RELN: variants seen among roughly 807,000 people sequenced by gnomAD.
RELN encodes reelin.
In RELN, 108 loss-of-function variants were observed where a neutral mutation model predicts 427.6. That is an observed-to-expected ratio of 0.25 (90% CI 0.22 to 0.30). RELN has a LOEUF of 0.30. Ranked by LOEUF, RELN falls within the 10% of genes least tolerant of loss-of-function variation. The probability of loss-of-function intolerance (pLI) is 1.00; values close to 1 mark genes in which losing one functional copy is unlikely to be tolerated. For missense variants in RELN, 3,715 were observed against 4,302.8 expected (o/e 0.86, Z 3.82); for synonymous variants, 1,524 against 1,513.4 (o/e 1.01, Z -0.16).
intron 11 of RELN, among the ~76,000 whole-genome samples, chr7:103,664,835 CT>C (rs1254613791): frequency 6.6e-6 from 1 of 151,996 alleles, no homozygotes; most frequent in Admixed American, 6.6e-5. Flanking sequence ...CTCTCACTTT[CT>C]TATGATTTGA....
chr7:103,472,685 G>T lies in RELN; in HGVS notation c.*127C>A. On this transcript the variant is annotated 3_prime_UTR_variant, in exon 65 of 65. Transcript: ENST00000428762. ...GAAAGTGGTGTACACTCGGTCTTGAGAAGGGCTTTCAGGTAATCACCAAGT... is the reference window on the plus strand; with the variant it reads ...GAAAGTGGTGTACACTCGGTCTTGATAAGGGCTTTCAGGTAATCACCAAGT... 1 of 767,144 alleles carries T rather than the reference G, an allele frequency of 1.3e-6. No individual in the cohort carries two copies. The highest frequency in any genetic ancestry group is 2.3e-6 in the Non-Finnish European group (1 of 439,642). 47.5% of individuals were successfully genotyped at this position (767,144 alleles called of 1,614,324 possible).
chr7:103,630,848 TTTGTTTTTTTTG>T (rs1383032599), intron 19 of RELN, among the ~76,000 whole-genome samples: 6 of 71,614 alleles, frequency 8.4e-5, no homozygotes, highest in Non-Finnish European at 1.6e-4. Flanking sequence ...GAGTTATTTT[TTTGTTTTTTTTG>T]TTTTTTTTTT....
chr7:103,964,134 G>C (rs1390063635), intron 1 of RELN, among the ~76,000 whole-genome samples: 1 of 152,100 alleles, frequency 6.6e-6, no homozygotes, highest in Non-Finnish European at 1.5e-5. Context: ...ACTCCAGCCT[G>C]GGTGATAGAG....
At chr7:103,960,074 A>C (rs2116787315) in intron 1 of RELN, among the ~76,000 whole-genome samples, 1 of 152,262 alleles carries the variant, frequency 6.6e-6, no homozygotes, top group South Asian at 2.1e-4. Flanking sequence ...GTTCATTCTC[A>C]ATTCAGCAGC....
In RELN at chr7:103,654,113, G is replaced by A. The variant is rs2117394832; in HGVS notation, c.1534C>T (p.Leu512Phe). 6.3e-7 allele frequency: 1 copy of A among 1,584,958 alleles called. No individual in the cohort carries two copies. The highest frequency in any genetic ancestry group is 1.1e-5 in the South Asian group (1 of 90,472). Residue 512 changes from leucine to phenylalanine, a missense_variant, in exon 13 of 65, where the codon CTT (leucine) becomes TTT (phenylalanine). Around this residue, in one of 4 missense-constraint regions of RELN, gnomAD observed 2,208 missense variants for 2,361.7 expected, o/e 0.93. Transcript: ENST00000428762. Reference sequence around the variant, plus strand: ...TGTACCTTATATGAGGAATAGGAAAGGGTATCCAGTGTTATATGCTCTTTT... The same window carrying A: ...TGTACCTTATATGAGGAATAGGAAAAGGTATCCAGTGTTATATGCTCTTTT... Reference protein sequence around the residue: ...GRKEHITLDTLSYSSYKVPSL... With the variant: ...GRKEHITLDTFSYSSYKVPSL...
intron 3 of RELN, among the ~76,000 whole-genome samples, chr7:103,794,120 G>C (rs1297459438): frequency 6.6e-6 from 1 of 151,902 alleles, no homozygotes; most frequent in Non-Finnish European, 1.5e-5. Flanking sequence ...TAATTTTAAG[G>C]GTATTTAAAA....
chr7:103,671,173 A>G (rs1039795152), intron 11 of RELN, among the ~76,000 whole-genome samples: 2 of 152,108 alleles, frequency 1.3e-5, no homozygotes, highest in African/African-American at 4.8e-5. Flanking sequence ...GTCTAGCAAG[A>G]TGTATACTTT....
intron 22 of RELN, 109 bp downstream of exon 22, chr7:103,610,586 C>T: frequency 1.4e-6 from 1 of 734,812 alleles, no homozygotes; most frequent in South Asian, 1.4e-5. Context: ...TGCTATTGTG[C>T]TTAACTTGCC....
chr7:103,581,570 A>G (rs748674802), intron 28 of RELN, among the ~76,000 whole-genome samples: 44 of 152,090 alleles, frequency 2.9e-4, no homozygotes, highest in Non-Finnish European at 5.4e-4. Flanking sequence ...CTGGGGCTAA[A>G]ACAGACCATG....
intron 7 of RELN, among the ~76,000 whole-genome samples, chr7:103,726,703 T>A (rs1271804529): frequency 6.6e-6 from 1 of 152,124 alleles, no homozygotes; most frequent in Non-Finnish European, 1.5e-5. Flanking sequence ...TATTACTAAA[T>A]GAGACACCTT....
chr7:103,523,732 C>T (rs1288733400), intron 46 of RELN, among the ~76,000 whole-genome samples: 2 of 152,136 alleles, frequency 1.3e-5, no homozygotes, highest in Non-Finnish European at 2.9e-5. Context: ...GGCTGGAACG[C>T]AGTGGCACCA....
At chr7:103,717,997 T>C (rs372685806) in intron 8 of RELN, among the ~76,000 whole-genome samples, 2 of 152,182 alleles carry the variant, frequency 1.3e-5, no homozygotes, top group Non-Finnish European at 2.9e-5. Flanking sequence ...GCTTTTCTTA[T>C]GCTAAATGAA....
At chr7:103,791,818 G>T (rs1421162648) in intron 3 of RELN, among the ~76,000 whole-genome samples, 1 of 151,920 alleles carries the variant, frequency 6.6e-6, no homozygotes, top group East Asian at 1.9e-4. Context: ...GAAAATGTTT[G>T]CAAATCATAT....
At chr7:103,850,905 G>A (rs1287666017) in intron 2 of RELN, among the ~76,000 whole-genome samples, 1 of 152,162 alleles carries the variant, frequency 6.6e-6, no homozygotes, top group Non-Finnish European at 1.5e-5. Context: ...AACTAGTATA[G>A]CCACTATGGA....
intron 4 of RELN, among the ~76,000 whole-genome samples, chr7:103,761,604 C>T (rs1194251199): frequency 6.6e-6 from 1 of 151,890 alleles, no homozygotes; most frequent in Non-Finnish European, 1.5e-5. Context: ...AGGCATACAG[C>T]ACCAAGACCA....
intron 61 of RELN, among the ~76,000 whole-genome samples, chr7:103,485,484 A>ATACTCTAC: frequency 6.6e-6 from 1 of 152,350 alleles, no homozygotes; most frequent in East Asian, 1.9e-4. Flanking sequence ...CATTCAAGAA[A>ATACTCTAC]TACTCTACAG....
chr7:103,793,892 G>C (rs1792231479), intron 3 of RELN, among the ~76,000 whole-genome samples: 1 of 152,074 alleles, frequency 6.6e-6, no homozygotes, highest in African/African-American at 2.4e-5. Flanking sequence ...TCAGCCTTCA[G>C]AGTAGCTGGA....
At chr7:103,877,047 G>A (rs1584323602) in intron 2 of RELN, among the ~76,000 whole-genome samples, 1 of 151,992 alleles carries the variant, frequency 6.6e-6, no homozygotes, top group African/African-American at 2.4e-5. Flanking sequence ...ATTCCCCTAT[G>A]CCCTCACCCA....
intron 2 of RELN, among the ~76,000 whole-genome samples, chr7:103,908,162 G>C (rs1389813347): frequency 6.6e-6 from 1 of 152,058 alleles, no homozygotes; most frequent in African/African-American, 2.4e-5. Context: ...GCTGATCCAG[G>C]CTCTAGGGGA....
Sources: allele counts gnomAD v4.1 joint callset (sites outside exome capture counted in the v4.1 genomes callset), GRCh38; gene constraint gnomAD v4.1.1; regional missense constraint gnomAD v4.1.1; transcripts MANE v1.5; gene names NCBI Gene and HGNC (gene_info 2026-07-23, HGNC 2026-07-21).